Variants in SLC8A1 observed in about 807,000 individuals in gnomAD.
SLC8A1 encodes solute carrier family 8 member A1.
SLC8A1 carries 18 observed loss-of-function variants against 68.3 expected under a neutral mutation model. That is an observed-to-expected ratio of 0.26 (90% CI 0.18 to 0.39). The LOEUF is 0.39. SLC8A1 is among the 10% of genes least tolerant of loss of function. The pLI, the probability that SLC8A1 is intolerant of heterozygous loss-of-function variation, is 1.00. For missense variants in SLC8A1, 985 were observed against 1,156.7 expected, an observed-to-expected ratio of 0.85 and a Z score of 2.15; for synonymous variants, 475 against 415.5, an observed-to-expected ratio of 1.14 and a Z score of -1.74.
At chr2:40,228,057 T>C (rs548689194) in intron 2 of SLC8A1, among the ~76,000 whole-genome samples, 4 of 152,322 alleles carry the variant, frequency 2.6e-5, no homozygotes, top group Non-Finnish European at 5.9e-5. Flanking sequence ...TTCTCTTTTC[T>C]AATGCAATTA....
chr2:40,387,537 G>T (rs1683947928), intron 2 of SLC8A1, among the ~76,000 whole-genome samples: 1 of 151,144 alleles, frequency 6.6e-6, no homozygotes, highest in Non-Finnish European at 1.5e-5. Context: ...TGTTCTCACT[G>T]TTATTTATCT....
intron 7 of SLC8A1, 138 bp downstream of exon 10, chr2:40,139,263 T>C (rs2041116429): frequency 1.0e-6 from 1 of 963,040 alleles, no homozygotes; most frequent in African/African-American, 1.7e-5. Context: ...GGCAGTAACA[T>C]TTATTTATAC....
At chr2:40,332,171 G>C (rs115484083) in intron 2 of SLC8A1, among the ~76,000 whole-genome samples, 3,281 of 152,166 alleles carry the variant, frequency 0.022, 47 homozygotes, top group Non-Finnish European at 0.032. Flanking sequence ...TGGCAACACC[G>C]TAAGTATTTT....
At chr2:40,399,326 C>T (rs770738788) in intron 2 of SLC8A1, among the ~76,000 whole-genome samples, 20 of 152,120 alleles carry the variant, frequency 1.3e-4, no homozygotes, top group Non-Finnish European at 2.6e-4. Flanking sequence ...TCCCCTACCC[C>T]TCGTCTCCCC....
chr2:40,429,935 T>C (rs1234729377), exon 2 of SLC8A1: 1 of 1,613,424 alleles, frequency 6.2e-7, no homozygotes, highest in Non-Finnish European at 8.5e-7. Flanking sequence ...TTGGGTTTCT[T>C]TATGGTTATT....
chr2:40,313,296 A>C (rs1432041982), intron 2 of SLC8A1, among the ~76,000 whole-genome samples: 1 of 152,018 alleles, frequency 6.6e-6, no homozygotes, highest in Non-Finnish European at 1.5e-5. Context: ...TTTATTGCTG[A>C]GTAGTATTGC....
At chr2:40,232,653 GGTTA>G (rs1574428258) in intron 2 of SLC8A1, among the ~76,000 whole-genome samples, 1 of 140,218 alleles carries the variant, frequency 7.1e-6, no homozygotes, top group South Asian at 2.3e-4. Context: ...ACATTGTGCA[GGTTA>G]GTTACATACG....
At position 40,200,192 on chromosome 2, in the gene SLC8A1, T is replaced by TTATA. The variant is rs1176638805; in HGVS notation, c.1809-22341_1809-22338dup. ...GTCATTGATATATATATATATATAT[T>TTATA]TATATATATATATAAATATATATAT... On this transcript the variant is annotated intron_variant, in intron 2 of 7. Coordinates refer to ENST00000406785, the Ensembl canonical transcript of SLC8A1. 1.4e-3 allele frequency among the ~76,000 whole-genome samples: 13 copies of TTATA among 9,622 alleles called. 1 individual carries two copies. The highest frequency in any genetic ancestry group is 4.3e-3 in the South Asian group (2 of 460). 6.3% of individuals were successfully genotyped at this position (9,622 alleles called of 152,430 possible).
chr2:40,326,061 C>T (rs1161605192), intron 2 of SLC8A1, among the ~76,000 whole-genome samples: 2 of 152,110 alleles, frequency 1.3e-5, no homozygotes, highest in Non-Finnish European at 2.9e-5. Flanking sequence ...ACTGCACCTT[C>T]TATCAGCAGC....
intron 1 of SLC8A1, among the ~76,000 whole-genome samples, chr2:40,439,507 T>C (rs570068034): frequency 6.6e-6 from 1 of 152,178 alleles, no homozygotes; most frequent in African/African-American, 2.4e-5. Flanking sequence ...CTAGTCTGCC[T>C]CTTGGAACTG....
In SLC8A1 at chr2:40,154,785, C is replaced by T. The variant is rs567406046; in HGVS notation, c.2161+5980G>A. 2.0e-5 allele frequency among the ~76,000 whole-genome samples: 3 copies of T among 152,168 alleles called. No homozygotes were observed. The South Asian group carries it at 6.2e-4, about 32-fold the overall frequency. ...GCTCAGGTGATCCTACTGCCTCAGCCTCCTGAGTAGCTGAGACTACAGGCA... is the reference window on the plus strand; with the variant it reads ...GCTCAGGTGATCCTACTGCCTCAGCTTCCTGAGTAGCTGAGACTACAGGCA... On this transcript the variant is annotated intron_variant, in intron 6 of 7. Transcript: ENST00000406785.
intron 1 of SLC8A1, among the ~76,000 whole-genome samples, chr2:40,444,563 C>G (rs1328403847): frequency 2.0e-5 from 3 of 152,156 alleles, no homozygotes; most frequent in Admixed American, 6.5e-5. Context: ...TCATTTGCGT[C>G]TCTCATAATC....
chr2:40,342,013 T>C (rs901626485), intron 2 of SLC8A1, among the ~76,000 whole-genome samples: 1 of 152,186 alleles, frequency 6.6e-6, no homozygotes, highest in Non-Finnish European at 1.5e-5. Flanking sequence ...ATATGGGAGC[T>C]ATAGACCTAA....
At chr2:40,499,189 CT>C (rs70957184) in intron 1 of SLC8A1, among the ~76,000 whole-genome samples, 9,656 of 152,030 alleles carry the variant, frequency 0.064, 775 homozygotes, top group East Asian at 0.39. Context: ...AAAGAAGATA[CT>C]TTTTTCAGTT....
At chr2:40,117,556 C>T (rs1343379765) in intron 7 of SLC8A1, among the ~76,000 whole-genome samples, 2 of 148,642 alleles carry the variant, frequency 1.3e-5, no homozygotes, top group Non-Finnish European at 3.0e-5. Flanking sequence ...CAGAGTGAGA[C>T]TCCATCTCAA....
At chr2:40,338,721 T>G (rs1041096148) in intron 2 of SLC8A1, among the ~76,000 whole-genome samples, 4 of 152,196 alleles carry the variant, frequency 2.6e-5, no homozygotes, top group Non-Finnish European at 4.4e-5. Context: ...CCTTTGAAAT[T>G]AGATGGCAAT....
chr2:40,301,929 C>A (rs1003195898), intron 2 of SLC8A1, among the ~76,000 whole-genome samples: 5 of 151,956 alleles, frequency 3.3e-5, no homozygotes, highest in Admixed American at 6.6e-5. Context: ...GTGGCACAAT[C>A]GCAGCTCACT....
At chr2:40,484,817 T>TCTATA (rs1302342883) in intron 1 of SLC8A1, among the ~76,000 whole-genome samples, 4 of 151,982 alleles carry the variant, frequency 2.6e-5, no homozygotes, top group African/African-American at 7.2e-5. Context: ...TGGTGGAGGG[T>TCTATA]CATGTTAGGT....
At chr2:40,365,236 C>T (rs1328998767) in intron 2 of SLC8A1, among the ~76,000 whole-genome samples, 5 of 151,778 alleles carry the variant, frequency 3.3e-5, no homozygotes, top group African/African-American at 1.2e-4. Context: ...AAAATGAAAG[C>T]GGGACAAGAA....
Sources: gnomAD v4.1 joint callset for allele counts (sites outside exome capture counted in the v4.1 genomes callset) on GRCh38, gnomAD v4.1.1 for gene constraint, MANE v1.5 for transcripts, NCBI Gene and HGNC (gene_info 2026-07-23, HGNC 2026-07-21) for gene names.